The following TNFRSF12A variants were observed in gnomAD, a reference collection of about 807,000 sequenced individuals.
The protein encoded by TNFRSF12A is tumor necrosis factor receptor superfamily member 12A.
Under a neutral mutation model 15.5 loss-of-function variants are expected in TNFRSF12A, and 13 were observed. The ratio of observed to expected loss-of-function variants is 0.84; its 90% CI spans 0.54 to 1.33. The LOEUF is 1.33. TNFRSF12A is among the 40% of genes most tolerant of loss of function. TNFRSF12A has a pLI of 0.00. For missense variants in TNFRSF12A, 174 were observed against 173.6 expected (o/e 1.00, Z -0.01); for synonymous variants, 89 against 78.4 (o/e 1.14, Z -0.71).
chr16:3,021,348 C>G, intron 2 of TNFRSF12A, 29 bp downstream of exon 2: 1 of 1,526,432 alleles, frequency 6.6e-7, no homozygotes, highest in Non-Finnish European at 8.8e-7. Flanking sequence ...CAGTGGCCAG[C>G]GGACCCCAGA....
chr16:3,022,016 C>A lies in TNFRSF12A; in HGVS notation c.*190C>A. The A allele has an allele frequency of 1.7e-6, 1 of 600,314 alleles. No individual in the cohort carries two copies. Among genetic ancestry groups the A allele is most frequent in the Admixed American group, 3.3e-5 (1 of 30,560 alleles). The allele number at this position is 600,314 out of a possible 1,614,324, so 37.2% of individuals were successfully genotyped here. ...CCTTCCAAGGTGTCTGGTTGCCCTG[C>A]CTCTGGCTCCAGAACAGAAAGGGAG... On this transcript the variant is annotated 3_prime_UTR_variant, in exon 4 of 4. Coordinates refer to ENST00000326577, the MANE Select transcript of TNFRSF12A (RefSeq NM_016639.3).
intron 2 of TNFRSF12A, 86 bp from the exon 3 acceptor site, chr16:3,021,469 C>T (rs1446356744): frequency 2.1e-6 from 3 of 1,452,974 alleles, no homozygotes; most frequent in Admixed American, 2.6e-5. Context: ...GAGGAGGCCA[C>T]GTTTGGGAGA....
chr16:3,020,796 A>T, intron 1 of TNFRSF12A: 1 of 400,120 alleles, frequency 2.5e-6, no homozygotes, highest in South Asian at 1.2e-4. Context: ...AGGAAGGGGC[A>T]CGCCCCCAGC....
intron 1 of TNFRSF12A, 66 bp downstream of exon 1, chr16:3,020,557 G>C (rs2072600592): frequency 8.9e-7 from 1 of 1,129,096 alleles, no homozygotes; most frequent in Non-Finnish European, 1.1e-6. Context: ...GGTGTCTGGA[G>C]AACAGCGCCG....
chr16:3,021,142 G>T, intron 1 of TNFRSF12A, 73 bp from the exon 2 acceptor site: 1 of 789,698 alleles, frequency 1.3e-6, no homozygotes, highest in South Asian at 1.9e-5. Context: ...TATTCGAGCC[G>T]GCCGACCCTG....
rs760906829 is a variant in TNFRSF12A, at chr16:3,021,792, G to A, written c.356G>A (p.Gly119Glu). 1 of 1,613,304 alleles carries A rather than the reference G, an allele frequency of 6.2e-7. No homozygotes were observed. Among genetic ancestry groups the A allele is most frequent in the Non-Finnish European group, 8.5e-7 (1 of 1,179,778 alleles). ...GCAGCCCCCATAGAGGAGACCGGCG[G>A]AGAGGGCTGCCCAGCTGTGGCGCTG... The part of the protein sequence containing the change: ...KFTTPIEETG[G>E]EGCPAVALIQ The change falls in exon 4 of 4, where the codon GGA (glycine) becomes GAA (glutamate). Residue 119 changes from glycine (G) to glutamate (E), a missense_variant. Transcript: ENST00000326577.
At chr16:3,021,740 G>A in intron 3 of TNFRSF12A, 31 bp from the exon 4 acceptor site, 1 of 1,611,364 alleles carries the variant, frequency 6.2e-7, no homozygotes, top group African/African-American at 1.3e-5. Context: ...CCTTTTCTCT[G>A]CTGCTGACGA....
At position 3,021,592 on chromosome 16, in the gene TNFRSF12A, GC is replaced by G; in HGVS notation, c.240del (p.Ile81SerfsTer6). On this transcript the variant is annotated frameshift_variant, in exon 3 of 4. Coordinates refer to ENST00000326577, the MANE Select transcript of TNFRSF12A (RefSeq NM_016639.3). LOFTEE classifies it high-confidence loss of function. ...APPAPFRLLWPILGGALSLTF... is the reference protein window; with the variant it reads ...APPAPFRLLWXILGGALSLTF... Reference sequence around the variant, plus strand: ...CTCCTGCCCCCTTCCGGCTGCTTTGGCCCATCCTTGGGGGCGCTCTGAGCCT... The same window carrying G: ...CTCCTGCCCCCTTCCGGCTGCTTTGGCCATCCTTGGGGGCGCTCTGAGCCT... 6.2e-7 allele frequency: 1 copy of G among 1,613,088 alleles called. No homozygotes were observed. Among genetic ancestry groups the G allele is most frequent in the South Asian group, 1.1e-5 (1 of 91,068 alleles).
Position 3,021,930 on chromosome 16 carries a change from C to A in TNFRSF12A, c.*104C>A. On this transcript the variant is annotated 3_prime_UTR_variant, in exon 4 of 4. Coordinates refer to ENST00000326577, the MANE Select transcript of TNFRSF12A (RefSeq NM_016639.3). The stretch of plus-strand genomic sequence containing the variant: ...CGCGGCGGGAGCCAAGCTCCTCCAA[C>A]CACAAGGGGGGTGGGGGGCGGTGAA... The A allele has an allele frequency of 7.5e-7, 1 of 1,329,724 alleles. No individual in the cohort carries two copies. The highest frequency in any genetic ancestry group is 1.5e-5 in the African/African-American group (1 of 68,930). 82.4% of individuals were successfully genotyped at this position (1,329,724 alleles called of 1,614,324 possible).
rs1053225853 is a variant in TNFRSF12A, at chr16:3,021,881, T to C, written c.*55T>C. 1.3e-6 allele frequency: 2 copies of C among 1,583,884 alleles called. No individual in the cohort carries two copies. Among genetic ancestry groups the C allele is most frequent in the Non-Finnish European group, 1.7e-6 (2 of 1,164,872 alleles). ...CCACTCATCATTCATTCATCCATTC[T>C]AGAGCCAGTCTCTGCCTCCCAGACG... On this transcript the variant is annotated 3_prime_UTR_variant, in exon 4 of 4. Transcript: ENST00000326577.
chr16:3,021,601 T>TG lies in TNFRSF12A; in HGVS notation c.251dup (p.Ala85ArgfsTer89). The TG allele has an allele frequency of 6.2e-7, 1 of 1,613,264 alleles. No individual in the cohort carries two copies. Among genetic ancestry groups the TG allele is most frequent in the Non-Finnish European group, 8.5e-7 (1 of 1,179,884 alleles). ...CCTTCCGGCTGCTTTGGCCCATCCT[T>TG]GGGGGCGCTCTGAGCCTGACCTTCG... is the stretch of plus-strand genomic sequence containing the variant. On this transcript the variant is annotated frameshift_variant, in exon 3 of 4. Transcript: ENST00000326577. LOFTEE classifies it high-confidence loss of function.
chr16:3,020,790 A>G (rs1182091878), intron 1 of TNFRSF12A: 10 of 399,980 alleles, frequency 2.5e-5, no homozygotes, highest in Non-Finnish European at 4.4e-5. Flanking sequence ...TAGTCTAGGA[A>G]GGGGCACGCC....
In TNFRSF12A at chr16:3,022,149, T is replaced by G. The variant is rs935284603; in HGVS notation, c.*323T>G. 11 of 427,604 alleles carry G rather than the reference T, an allele frequency of 2.6e-5. No individual in the cohort carries two copies. In the Admixed American group the frequency reaches 4.8e-4, roughly 19 times the overall value. 26.5% of individuals were successfully genotyped at this position (427,604 alleles called of 1,614,324 possible). On this transcript the variant is annotated 3_prime_UTR_variant, in exon 4 of 4. Transcript: ENST00000326577. ...TAGAGGCCCTGGGGGCCAGGCTGACTTGGGGGGCAGACTTGACACTAGGCC... is the reference window on the plus strand; with the variant it reads ...TAGAGGCCCTGGGGGCCAGGCTGACGTGGGGGGCAGACTTGACACTAGGCC...
intron 2 of TNFRSF12A, 43 bp downstream of exon 2, chr16:3,021,362 G>A: frequency 2.0e-6 from 3 of 1,496,150 alleles, no homozygotes; most frequent in East Asian, 2.3e-5. Context: ...CCCCAGACTG[G>A]GAGGGAGGGT....
At chr16:3,020,764 G>T in intron 1 of TNFRSF12A, 1 of 399,572 alleles carries the variant, frequency 2.5e-6, no homozygotes, top group South Asian at 1.2e-4. Flanking sequence ...GAGAAAGTGA[G>T]TGAGGGCGGG....
Position 3,021,663 on chromosome 16 carries a change from G to A in TNFRSF12A, c.308G>A (p.Arg103Gln), listed in dbSNP as rs2072613326. 1 of 1,613,688 alleles carries A rather than the reference G, an allele frequency of 6.2e-7. No homozygotes were observed. The highest frequency in any genetic ancestry group is 8.5e-7 in the Non-Finnish European group (1 of 1,179,982). Residue 103 changes from arginine (R) to glutamine (Q), a missense_variant, in exon 3 of 4, where the codon CGA (arginine) becomes CAA (glutamine). Coordinates refer to ENST00000326577, the MANE Select transcript of TNFRSF12A (RefSeq NM_016639.3). ...CTTTCTGGCTTTTTGGTCTGGAGACGATGCCGCAGGAGAGAGAAGTTCACC... is the reference window on the plus strand; with the variant it reads ...CTTTCTGGCTTTTTGGTCTGGAGACAATGCCGCAGGAGAGAGAAGTTCACC... The part of the protein sequence containing the change: ...GLLSGFLVWR[R>Q]CRRREKFTTP...
chr16:3,021,695 T>G lies in TNFRSF12A; in HGVS notation c.334+6T>G. On this transcript the variant is annotated splice_donor_region_variant and intron_variant, in intron 3 of 3. Transcript: ENST00000326577. ...CAGGAGAGAGAAGTTCACCAGTAAGTGTGCCCTGGCCTGCCCAGCCCTGTC... is the reference window on the plus strand; with the variant it reads ...CAGGAGAGAGAAGTTCACCAGTAAGGGTGCCCTGGCCTGCCCAGCCCTGTC... The G allele has an allele frequency of 6.2e-7, 1 of 1,613,512 alleles. No homozygotes were observed. The highest frequency in any genetic ancestry group is 8.5e-7 in the Non-Finnish European group (1 of 1,179,788).
At position 3,021,924 on chromosome 16, in the gene TNFRSF12A, CT is replaced by C. The variant is rs752867232; in HGVS notation, c.*99del. 1.9e-5 allele frequency: 26 copies of C among 1,397,352 alleles called. No homozygotes were observed. Among genetic ancestry groups the C allele is most frequent in the Middle Eastern group, 3.9e-4 (2 of 5,116 alleles). 86.6% of individuals were successfully genotyped at this position (1,397,352 alleles called of 1,614,324 possible). ...CCCAGACGCGGCGGGAGCCAAGCTC[CT>C]CCAACCACAAGGGGGGTGGGGGGCG... On this transcript the variant is annotated 3_prime_UTR_variant, in exon 4 of 4. Transcript: ENST00000326577.
chr16:3,021,024 C>G (rs77910200), intron 1 of TNFRSF12A, 191 bp from the exon 2 acceptor site: 2 of 485,834 alleles, frequency 4.1e-6, no homozygotes, highest in Non-Finnish European at 7.2e-6. Flanking sequence ...TGACCCCCCC[C>G]ACCCCCAGCG....
Sources: gnomAD v4.1 joint callset for allele counts on GRCh38, gnomAD v4.1.1 for gene constraint, MANE v1.5 for transcripts, NCBI Gene and HGNC (gene_info 2026-07-23, HGNC 2026-07-21) for gene names.